The following SEZ6 variants were observed in gnomAD, a reference collection of about 807,000 sequenced individuals.
SEZ6 encodes seizure related 6 homolog, also known as seizure protein 6 homolog.
In SEZ6, 53 loss-of-function variants were observed where a neutral mutation model predicts 101.0. The observed-to-expected ratio is 0.52, with a 90% confidence interval of 0.42 to 0.66. The LOEUF (loss-of-function observed/expected upper bound fraction) is 0.66. Among genes scored for constraint, SEZ6 ranks in the 30% least tolerant of loss-of-function variants. The probability of loss-of-function intolerance (pLI) is 0.00; values close to 1 mark genes in which losing one functional copy is unlikely to be tolerated. For synonymous variants in SEZ6, 488 were observed against 512.2 expected (o/e 0.95, Z 0.64); for missense variants, 1,102 against 1,289.4 (o/e 0.85, Z 2.23).
chr17:28,974,114 G>A (rs1019770695), intron 3 of SEZ6, among the ~76,000 whole-genome samples: 19 of 152,186 alleles, frequency 1.2e-4, no homozygotes, highest in African/African-American at 4.6e-4. Flanking sequence ...CCTCCAGCAC[G>A]TGCCCTAATG....
At chr17:28,964,189 TG>T in intron 4 of SEZ6, 42 bp from the exon 5 acceptor site, 3 of 1,007,816 alleles carry the variant, frequency 3.0e-6, no homozygotes, top group Non-Finnish European at 2.8e-6. Context: ...GTGTGCAGGG[TG>T]GGGGCGGGAG....
At position 28,984,765 on chromosome 17, in the gene SEZ6, T is replaced by C. The variant is rs369847247; in HGVS notation, c.56-2726A>G. On this transcript the variant is annotated intron_variant, in intron 1 of 16. Transcript: ENST00000317338. ...CATCTCCAGACCCCCTGGTTGACTC[T>C]GTTGGAGGCCTGAGGCCCTGAGACC... 2.0e-5 allele frequency among the ~76,000 whole-genome samples: 3 copies of C among 152,314 alleles called. No individual in the cohort carries two copies. In the South Asian group the frequency reaches 6.2e-4, roughly 32 times the overall value.
chr17:28,978,002 C>T (rs555431936), intron 3 of SEZ6, among the ~76,000 whole-genome samples: 3 of 152,188 alleles, frequency 2.0e-5, no homozygotes, highest in African/African-American at 7.2e-5. Flanking sequence ...GGGGAGGGGC[C>T]CAACAGGGGT....
intron 5 of SEZ6, among the ~76,000 whole-genome samples, chr17:28,962,465 A>C (rs2040993139): frequency 6.6e-6 from 1 of 152,224 alleles, no homozygotes; most frequent in Non-Finnish European, 1.5e-5. Context: ...CCTGGCACCC[A>C]GGAAGAATTT....
chr17:29,001,200 G>A (rs1488012790), intron 1 of SEZ6, among the ~76,000 whole-genome samples: 4 of 152,262 alleles, frequency 2.6e-5, no homozygotes, highest in African/African-American at 7.2e-5. Context: ...TTCAAGATTC[G>A]GTCCCAGCTG....
chr17:28,981,307 T>C, intron 2 of SEZ6, 64 bp downstream of exon 2: 2 of 1,493,178 alleles, frequency 1.3e-6, no homozygotes, highest in South Asian at 1.3e-5. Flanking sequence ...AGAGACAGGC[T>C]TTTAGGGGCC....
In SEZ6 at chr17:29,005,725, G is replaced by C; in HGVS notation, c.55+90C>G. On this transcript the variant is annotated intron_variant, in intron 1 of 16. Transcript: ENST00000317338. This position sits in a 1 kb window ranked among gnomAD's most constrained non-coding sequence, Gnocchi z 4.8. ...GCGCGGTGCTTGGACTGGGCAGCCAGATGCCCGAAGCTGGGCACCGGGTCT... is the reference window on the plus strand; with the variant it reads ...GCGCGGTGCTTGGACTGGGCAGCCACATGCCCGAAGCTGGGCACCGGGTCT... 7.5e-7 allele frequency: 1 copy of C among 1,341,584 alleles called. No individual in the cohort carries two copies. Among genetic ancestry groups the C allele is most frequent in the Non-Finnish European group, 9.9e-7 (1 of 1,011,350 alleles). 83.1% of individuals were successfully genotyped at this position (1,341,584 alleles called of 1,614,324 possible).
chr17:28,968,289 G>A (rs770503309), intron 4 of SEZ6, among the ~76,000 whole-genome samples: 3 of 152,198 alleles, frequency 2.0e-5, no homozygotes, highest in Non-Finnish European at 4.4e-5. Flanking sequence ...CAAAAACTGG[G>A]CTGACGAGGG....
chr17:28,974,337 T>C (rs1713240542), intron 3 of SEZ6, among the ~76,000 whole-genome samples: 1 of 152,222 alleles, frequency 6.6e-6, no homozygotes, highest in Non-Finnish European at 1.5e-5. Context: ...AAACGTGTCA[T>C]GGCACGTGCA....
intron 2 of SEZ6, among the ~76,000 whole-genome samples, chr17:28,980,143 G>A (rs1022765904): frequency 1.5e-4 from 22 of 151,228 alleles, no homozygotes; most frequent in Non-Finnish European, 2.5e-4. Flanking sequence ...CACTGCACCC[G>A]GCCCCCTAAC....
intron 5 of SEZ6, among the ~76,000 whole-genome samples, chr17:28,963,731 T>C (rs1483204554): frequency 6.6e-6 from 1 of 152,160 alleles, no homozygotes; most frequent in African/African-American, 2.4e-5. Context: ...CCTGGAAATG[T>C]GGGTTCTTTG....
chr17:29,005,763 C>G lies in SEZ6; in HGVS notation c.55+52G>C. The G allele has an allele frequency of 6.8e-7, 1 of 1,467,722 alleles. No individual in the cohort carries two copies. Among genetic ancestry groups the G allele is most frequent in the Non-Finnish European group, 9.0e-7 (1 of 1,108,058 alleles). The allele number at this position is 1,467,722 out of a possible 1,614,324, so 90.9% of individuals were successfully genotyped here. On this transcript the variant is annotated intron_variant, in intron 1 of 16. Transcript: ENST00000317338. The surrounding 1 kb of genome is among the most constrained non-coding windows in gnomAD (Gnocchi z 4.8). ...GGGCACCGGGTCTCCCTTCCCACCCCTGGGGCCCCGCTCCCGCCCCCGTCC... is the reference window on the plus strand; with the variant it reads ...GGGCACCGGGTCTCCCTTCCCACCCGTGGGGCCCCGCTCCCGCCCCCGTCC...
At position 29,005,969 on chromosome 17, in the gene SEZ6, G is replaced by A. The variant is rs1196979661; in HGVS notation, c.-100C>T. On this transcript the variant is annotated 5_prime_UTR_variant, in exon 1 of 17. Transcript: ENST00000317338. This position sits in a 1 kb window ranked among gnomAD's most constrained non-coding sequence, Gnocchi z 4.8. ...GGGCAGAGCCGGGTCCGGCCGGGTA[G>A]AGGGAGCGGGGCCGCAGCCGTCACC... The A allele has an allele frequency of 7.5e-6, 8 of 1,067,128 alleles. No individual in the cohort carries two copies. Among genetic ancestry groups the A allele is most frequent in the African/African-American group, 3.4e-5 (2 of 59,602 alleles). The allele number at this position is 1,067,128 out of a possible 1,614,324, so 66.1% of individuals were successfully genotyped here.
intron 3 of SEZ6, among the ~76,000 whole-genome samples, 192 bp from the exon 4 acceptor site, chr17:28,970,144 G>A (rs534825550): frequency 2.6e-5 from 4 of 152,296 alleles, no homozygotes; most frequent in East Asian, 3.9e-4. Context: ...AGACAGGACC[G>A]GAAGTTCAGA....
intron 5 of SEZ6, among the ~76,000 whole-genome samples, chr17:28,962,610 C>T (rs1429671641): frequency 1.3e-5 from 2 of 151,584 alleles, no homozygotes; most frequent in African/African-American, 4.9e-5. Flanking sequence ...GAAACCCCAT[C>T]TCTACTAAAA....
At chr17:28,963,905 A>G (rs779959014) in intron 5 of SEZ6, 57 bp downstream of exon 5, 2 of 1,553,234 alleles carry the variant, frequency 1.3e-6, no homozygotes, top group African/African-American at 1.4e-5. Flanking sequence ...GAGAGCAGGG[A>G]TGAGCCCCCA....
chr17:28,986,468 G>A (rs2152690545), intron 1 of SEZ6, among the ~76,000 whole-genome samples: 1 of 152,348 alleles, frequency 6.6e-6, no homozygotes, highest in Non-Finnish European at 1.5e-5. Flanking sequence ...TTAAGGACTG[G>A]GGCGTGTTCT....
chr17:28,978,108 C>T (rs1009733126), intron 3 of SEZ6, among the ~76,000 whole-genome samples: 1 of 152,276 alleles, frequency 6.6e-6, no homozygotes, highest in East Asian at 1.9e-4. Flanking sequence ...TAGGTCTAGA[C>T]GGCTTCAGTC....
chr17:28,992,924 C>T (rs1429770700), intron 1 of SEZ6, among the ~76,000 whole-genome samples: 1 of 152,138 alleles, frequency 6.6e-6, no homozygotes, highest in African/African-American at 2.4e-5. Context: ...CCCTGCAGAC[C>T]TGTGTTCCCT....
Sources: allele counts gnomAD v4.1 joint callset (sites outside exome capture counted in the v4.1 genomes callset), GRCh38; gene constraint gnomAD v4.1.1; non-coding constraint Gnocchi (gnomAD v3.1); transcripts MANE v1.5; gene names NCBI Gene and HGNC (gene_info 2026-07-23, HGNC 2026-07-21).